Variants in ARHGAP21 observed in about 807,000 individuals in gnomAD.
ARHGAP21 encodes the protein rho GTPase-activating protein 21.
A neutral mutation model predicts 164.6 loss-of-function variants in ARHGAP21; 38 were observed. That is an observed-to-expected ratio of 0.23 (90% CI 0.18 to 0.30). The LOEUF (loss-of-function observed/expected upper bound fraction) is 0.30, where lower values mean the gene tolerates loss of function less well. Among genes scored for constraint, ARHGAP21 ranks in the 10% least tolerant of loss-of-function variants. The pLI is 1.00. For synonymous variants in ARHGAP21, 766 were observed against 857.9 expected, an observed-to-expected ratio of 0.89 and a Z score of 1.87; for missense variants, 1,822 against 2,370.7, an observed-to-expected ratio of 0.77 and a Z score of 4.81.
At chr10:24,651,692 G>A (rs371179802) in intron 4 of ARHGAP21, among the ~76,000 whole-genome samples, 1 of 152,164 alleles carries the variant, frequency 6.6e-6, no homozygotes. Flanking sequence ...TTATCAACAT[G>A]ATCTACTACA....
intron 2 of ARHGAP21, among the ~76,000 whole-genome samples, chr10:24,703,465 A>C (rs758552064): frequency 6.6e-6 from 1 of 152,288 alleles, no homozygotes; most frequent in African/African-American, 2.4e-5. Context: ...AGAGAGGAGA[A>C]GGCAAGTAAC....
rs1362825757 is a variant in ARHGAP21, at chr10:24,722,154, G to C, written c.-255C>G. ...GGAGACTTAAAAACAAAGGCGACAG[G>C]TCTTCTTGGCAGCCAGTGTCGAGGC... On this transcript the variant is annotated 5_prime_UTR_variant, in exon 2 of 26. Transcript: ENST00000396432. The C allele has an allele frequency of 3.8e-6, 2 of 526,756 alleles. No homozygotes were observed. Among genetic ancestry groups the C allele is most frequent in the African/African-American group, 3.8e-5 (2 of 52,050 alleles). 32.6% of individuals were successfully genotyped at this position (526,756 alleles called of 1,614,324 possible).
At chr10:24,659,794 A>G (rs73606538) in intron 4 of ARHGAP21, among the ~76,000 whole-genome samples, 2,040 of 152,326 alleles carry the variant, frequency 0.013, 37 homozygotes, top group African/African-American at 0.047. Context: ...ATGGGCCACT[A>G]TACCCATCCA....
At chr10:24,590,872 A>G in intron 24 of ARHGAP21, 2 of 985,042 alleles carry the variant, frequency 2.0e-6, no homozygotes, top group Non-Finnish European at 2.4e-6. Context: ...CTGCCATCAC[A>G]GCAACCACAT....
At chr10:24,711,553 G>C (rs140805767) in intron 2 of ARHGAP21, among the ~76,000 whole-genome samples, 2 of 152,166 alleles carry the variant, frequency 1.3e-5, no homozygotes, top group Non-Finnish European at 2.9e-5. Context: ...CCTTATTTGA[G>C]AATCAACATG....
chr10:24,661,783 A>T (rs1037790855), intron 4 of ARHGAP21, among the ~76,000 whole-genome samples: 9 of 152,248 alleles, frequency 5.9e-5, no homozygotes, highest in Admixed American at 5.9e-4. Flanking sequence ...AATTATACAT[A>T]GTTTGTTTCT....
intron 2 of ARHGAP21, among the ~76,000 whole-genome samples, chr10:24,689,072 A>G (rs1000794390): frequency 4.6e-5 from 7 of 152,126 alleles, no homozygotes; most frequent in Admixed American, 3.3e-4. Context: ...GACTTTTAAA[A>G]TCATAGATCT....
chr10:24,653,215 C>CT (rs142274126), intron 4 of ARHGAP21, among the ~76,000 whole-genome samples: 2 of 152,190 alleles, frequency 1.3e-5, no homozygotes, highest in Non-Finnish European at 2.9e-5. Flanking sequence ...CCCTGGTACC[C>CT]TTTCCCAGTC....
intron 4 of ARHGAP21, among the ~76,000 whole-genome samples, chr10:24,658,119 A>G (rs919954516): frequency 1.3e-5 from 2 of 152,118 alleles, no homozygotes; most frequent in Non-Finnish European, 2.9e-5. Context: ...TTAAAACCGC[A>G]ATGAGATACC....
rs1301094677 is a variant in ARHGAP21, at chr10:24,723,604, T to A, written c.-423A>T. 1 of 146,128 alleles carries A rather than the reference T, an allele frequency of 6.8e-6. No individual in the cohort carries two copies. The highest frequency in any genetic ancestry group is 1.5e-5 in the Non-Finnish European group (1 of 65,586). 9.1% of individuals were successfully genotyped at this position (146,128 alleles called of 1,614,324 possible). A position where few individuals can be genotyped will look rare whatever the true frequency, so the allele number is the denominator to read the frequency against. On this transcript the variant is annotated 5_prime_UTR_variant, in exon 1 of 26. Transcript: ENST00000396432. ...GTGGATCCGCACGGGGCTGGCCGGCTCCGGGACAGCGCGCCCCGCCCGCCC... is the reference window on the plus strand; with the variant it reads ...GTGGATCCGCACGGGGCTGGCCGGCACCGGGACAGCGCGCCCCGCCCGCCC...
chr10:24,607,912 A>G lies in ARHGAP21; in HGVS notation c.2423-9T>C. 2 of 1,583,112 alleles carry G rather than the reference A, an allele frequency of 1.3e-6. No homozygotes were observed. The highest frequency in any genetic ancestry group is 1.7e-6 in the Non-Finnish European group (2 of 1,165,872). Reference sequence around the variant, plus strand: ...AGGGCTAGTTGGTTCATCTGTAAGAAAAAAGGAAAATCAGAATGTTCAATG... The same window carrying G: ...AGGGCTAGTTGGTTCATCTGTAAGAGAAAAGGAAAATCAGAATGTTCAATG... On this transcript the variant is annotated splice_polypyrimidine_tract_variant and intron_variant, in intron 9 of 25. Coordinates refer to ENST00000396432, the MANE Select transcript of ARHGAP21 (RefSeq NM_020824.4).
At chr10:24,707,227 AG>A (rs1844328320) in intron 2 of ARHGAP21, among the ~76,000 whole-genome samples, 1 of 152,240 alleles carries the variant, frequency 6.6e-6, no homozygotes, top group South Asian at 2.1e-4. Flanking sequence ...TGTATGACCA[AG>A]GAGGCTAAAG....
intron 2 of ARHGAP21, among the ~76,000 whole-genome samples, chr10:24,715,020 A>G (rs1229075314): frequency 3.3e-5 from 4 of 119,436 alleles, no homozygotes; most frequent in Non-Finnish European, 6.8e-5. Flanking sequence ...ACAGAGTGAG[A>G]GTCCATCTCA....
intron 21 of ARHGAP21, among the ~76,000 whole-genome samples, chr10:24,594,038 A>G (rs1211890287): frequency 6.6e-6 from 1 of 152,134 alleles, no homozygotes; most frequent in Non-Finnish European, 1.5e-5. Flanking sequence ...AAACTGATCT[A>G]TCTTTCTTAA....
chr10:24,602,638 G>C (rs563226136), intron 12 of ARHGAP21, among the ~76,000 whole-genome samples: 49 of 152,084 alleles, frequency 3.2e-4, no homozygotes, highest in Non-Finnish European at 6.3e-4. Context: ...GGTCATTAAG[G>C]GTCTTCTAGG....
intron 2 of ARHGAP21, among the ~76,000 whole-genome samples, chr10:24,676,141 C>T (rs1593254730): frequency 6.6e-6 from 1 of 152,238 alleles, no homozygotes; most frequent in Non-Finnish European, 1.5e-5. Flanking sequence ...GAGAGAGACT[C>T]CGTGTCAGGG....
At chr10:24,705,169 T>C (rs571277080) in intron 2 of ARHGAP21, among the ~76,000 whole-genome samples, 1 of 152,252 alleles carries the variant, frequency 6.6e-6, no homozygotes, top group East Asian at 1.9e-4. Flanking sequence ...AACTAATGAG[T>C]TTAGTAATTG....
chr10:24,596,838 TG>T lies in ARHGAP21; in HGVS notation c.3378del (p.Ile1127PhefsTer5). The T allele has an allele frequency of 6.2e-7, 1 of 1,611,620 alleles. No individual in the cohort carries two copies. The highest frequency in any genetic ancestry group is 8.5e-7 in the Non-Finnish European group (1 of 1,179,150). On this transcript the variant is annotated frameshift_variant, in exon 17 of 26. Transcript: ENST00000396432. LOFTEE classifies it high-confidence loss of function. The stretch of plus-strand genomic sequence containing the variant: ...AATGTCTTTCTCATGATACTTGGAA[TG>T]CCTTTTCTCCATGTGCCTTTGTCTT... ...PPKDKGTWRK[G>X]IPSIMRKTFE...
At position 24,584,523 on chromosome 10, in the gene ARHGAP21, G is replaced by T. The variant is rs563418963; in HGVS notation, c.5766C>A (p.Asn1922Lys). ...TGCTCACGTTCTGGAAGCTTTCTCC[G>T]TTTATTTGGTCAGGTGACTGTGGTG... ...SIPPQSPDQI[N>K]GESFQNVSKN... The change falls in exon 26 of 26, where the codon AAC becomes AAA. Residue 1922 changes from asparagine to lysine, a missense_variant. Around this residue, in one of 5 missense-constraint regions of ARHGAP21, gnomAD observed 165 missense variants for 176.6 expected, o/e 0.93. Coordinates refer to ENST00000396432, the MANE Select transcript of ARHGAP21 (RefSeq NM_020824.4). 6.2e-7 allele frequency: 1 copy of T among 1,613,784 alleles called. No homozygotes were observed. The highest frequency in any genetic ancestry group is 8.5e-7 in the Non-Finnish European group (1 of 1,179,862).
Sources: allele counts gnomAD v4.1 joint callset (sites outside exome capture counted in the v4.1 genomes callset), GRCh38; gene constraint gnomAD v4.1.1; regional missense constraint gnomAD v4.1.1; transcripts MANE v1.5; gene names NCBI Gene and HGNC (gene_info 2026-07-23, HGNC 2026-07-21).